Variants in LRBA observed in about 807,000 individuals in gnomAD.
LRBA encodes the protein lipopolysaccharide-responsive and beige-like anchor protein.
A neutral mutation model predicts 330.0 loss-of-function variants in LRBA; 176 were observed. The observed-to-expected ratio is 0.53, with a 90% CI of 0.47 to 0.60. The LOEUF is 0.60. Ranked by LOEUF, LRBA falls within the 20% of genes least tolerant of loss-of-function variation. The probability of loss-of-function intolerance (pLI) is 0.00; values close to 1 mark genes in which losing one functional copy is unlikely to be tolerated. For synonymous variants in LRBA, 1,230 were observed against 1,193.0 expected (o/e 1.03, Z -0.64); for missense variants, 3,259 against 3,444.8 (o/e 0.95, Z 1.35).
chr4:150,938,901 T>C (rs1362678579), intron 2 of LRBA, among the ~76,000 whole-genome samples: 1 of 152,228 alleles, frequency 6.6e-6, no homozygotes, highest in Non-Finnish European at 1.5e-5. Flanking sequence ...ATAGATGCTA[T>C]TCACTGCATT....
chr4:150,421,392 A>G (rs1748774504), intron 46 of LRBA, among the ~76,000 whole-genome samples: 2 of 149,152 alleles, frequency 1.3e-5, no homozygotes, highest in Admixed American at 1.4e-4. Context: ...GGAAGAATTC[A>G]GTATGGACAG....
chr4:150,703,769 T>C (rs1026685850), intron 36 of LRBA, among the ~76,000 whole-genome samples: 7 of 151,504 alleles, frequency 4.6e-5, no homozygotes, highest in Non-Finnish European at 8.8e-5. Flanking sequence ...CAAGACAGAA[T>C]CCATAAACAT....
intron 35 of LRBA, among the ~76,000 whole-genome samples, chr4:150,752,070 GA>G (rs1733632981): frequency 6.6e-6 from 1 of 152,156 alleles, no homozygotes; most frequent in African/African-American, 2.4e-5. Context: ...TAATGTTCCT[GA>G]ATTGGCAATC....
intron 40 of LRBA, among the ~76,000 whole-genome samples, chr4:150,510,024 G>C (rs190615789): frequency 1.6e-3 from 245 of 152,178 alleles, no homozygotes; most frequent in African/African-American, 5.6e-3. Flanking sequence ...TAATCCCAGG[G>C]ACTTGGGAGG....
chr4:150,728,390 A>T (rs1055097274), intron 36 of LRBA, among the ~76,000 whole-genome samples: 9 of 152,228 alleles, frequency 5.9e-5, no homozygotes, highest in African/African-American at 2.2e-4. Context: ...AAGACATATT[A>T]AAAAAAGAAA....
At chr4:150,847,595 T>G (rs1278103624) in intron 26 of LRBA, among the ~76,000 whole-genome samples, 1 of 152,240 alleles carries the variant, frequency 6.6e-6, no homozygotes, top group African/African-American at 2.4e-5. Flanking sequence ...TCTCTTCATA[T>G]GACCATGGCT....
intron 9 of LRBA, among the ~76,000 whole-genome samples, chr4:150,912,295 A>T (rs2149483958): frequency 6.6e-6 from 1 of 152,330 alleles, no homozygotes; most frequent in East Asian, 1.9e-4. Flanking sequence ...TACCACTCAC[A>T]TTACTGCCTG....
At chr4:150,415,643 G>A in intron 46 of LRBA, 53 bp from the exon 47 acceptor site, 2 of 1,055,176 alleles carry the variant, frequency 1.9e-6, no homozygotes, top group Admixed American at 2.3e-5. Flanking sequence ...ATACTGACTA[G>A]ATATTCAAAA....
intron 40 of LRBA, among the ~76,000 whole-genome samples, chr4:150,568,299 G>A (rs1029995962): frequency 3.9e-5 from 6 of 152,254 alleles, no homozygotes; most frequent in Admixed American, 3.3e-4. Flanking sequence ...AAGTTGAATA[G>A]GTAGGACTTT....
intron 44 of LRBA, among the ~76,000 whole-genome samples, chr4:150,465,690 G>T (rs1326375261): frequency 1.3e-5 from 2 of 151,866 alleles, no homozygotes; most frequent in Non-Finnish European, 2.9e-5. Context: ...ACCCATTTTT[G>T]AATGTTGTTG....
intron 53 of LRBA, among the ~76,000 whole-genome samples, chr4:150,300,687 T>C (rs1364771005): frequency 6.6e-6 from 1 of 152,062 alleles, no homozygotes; most frequent in Non-Finnish European, 1.5e-5. Context: ...GTAAAAACAA[T>C]CTCTAGGTTG....
chr4:150,897,769 C>T lies in LRBA; in HGVS notation c.1974G>A (p.Leu658=). Residue 658 remains leucine (L), a synonymous_variant, in exon 15 of 57, where the codon TTG becomes TTA. Transcript: ENST00000651943. ...QKEMLSLRAF[L]LMFIKQLVMK... ...TCACTAATTGCTTAATGAACATCAA[C>T]AAGAATGCTCGTAGAGAAAGCATTT... is the stretch of plus-strand genomic sequence containing the variant. 6.2e-7 allele frequency: 1 copy of T among 1,612,356 alleles called. No homozygotes were observed. The highest frequency in any genetic ancestry group is 8.5e-7 in the Non-Finnish European group (1 of 1,178,848).
chr4:150,923,001 A>G (rs1192094769), intron 4 of LRBA, among the ~76,000 whole-genome samples: 1 of 152,070 alleles, frequency 6.6e-6, no homozygotes, highest in East Asian at 1.9e-4. Context: ...AACTATACAG[A>G]TGCTCCTCAA....
intron 42 of LRBA, among the ~76,000 whole-genome samples, chr4:150,480,485 A>T (rs1049162436): frequency 2.0e-5 from 3 of 152,038 alleles, no homozygotes; most frequent in African/African-American, 4.8e-5. Flanking sequence ...AGCAAAATCC[A>T]ATCATTTTTA....
chr4:150,932,207 C>T (rs1648485), intron 2 of LRBA, among the ~76,000 whole-genome samples: 145,909 of 152,130 alleles, frequency 0.96, 70,257 homozygotes, highest in Non-Finnish European at 1. Flanking sequence ...TATTTAACTA[C>T]ATAATAATCA....
At chr4:150,721,193 G>T in intron 36 of LRBA, 2 of 516,798 alleles carry the variant, frequency 3.9e-6, no homozygotes, top group African/African-American at 2.0e-5. Flanking sequence ...GGACTGTGGA[G>T]CCTCTCCAAA....
intron 40 of LRBA, among the ~76,000 whole-genome samples, chr4:150,497,117 A>G (rs1270496799): frequency 6.6e-6 from 1 of 152,182 alleles, no homozygotes; most frequent in Non-Finnish European, 1.5e-5. Flanking sequence ...ATTTGAACAA[A>G]TAGCTTAAAG....
At chr4:150,431,772 T>G (rs1750417169) in intron 46 of LRBA, among the ~76,000 whole-genome samples, 1 of 152,102 alleles carries the variant, frequency 6.6e-6, no homozygotes, top group South Asian at 2.1e-4. Flanking sequence ...AGAAAACTGA[T>G]CAACACTACT....
intron 48 of LRBA, among the ~76,000 whole-genome samples, chr4:150,331,238 T>A (rs1461067700): frequency 6.6e-6 from 1 of 152,116 alleles, no homozygotes; most frequent in African/African-American, 2.4e-5. Flanking sequence ...GCCCTCTATA[T>A]AGAGCAATAA....
Sources: gnomAD v4.1 joint callset for allele counts (sites outside exome capture counted in the v4.1 genomes callset) on GRCh38, gnomAD v4.1.1 for gene constraint, MANE v1.5 for transcripts, NCBI Gene and HGNC (gene_info 2026-07-23, HGNC 2026-07-21) for gene names.